PLD5: variants seen among roughly 807,000 people sequenced by gnomAD.
PLD5 encodes the protein phospholipase D family member 5, also known as inactive phospholipase D5.
A neutral mutation model predicts 61.1 loss-of-function variants in PLD5; 36 were observed. The observed-to-expected ratio is 0.59, with a 90% CI of 0.45 to 0.78. The LOEUF is 0.78. PLD5 is among the 30% of genes least tolerant of loss of function. PLD5 has a pLI of 0.00. For missense variants in PLD5, 515 were observed against 644.4 expected (o/e 0.80, Z 2.17); for synonymous variants, 243 against 242.8 (o/e 1.00, Z -0.01).
In PLD5 at chr1:242,228,814, T is replaced by C. The variant is rs1021857918; in HGVS notation, c.608-8699A>G. On this transcript the variant is annotated intron_variant, in intron 4 of 9. Coordinates refer to ENST00000536534, the MANE Select transcript of PLD5 (RefSeq NM_001372062.1). ...CCTCGCAACAGAGAGAAATGATGAATGAGAAAATGGCGGGGGAGTCCACCA... is the reference window on the plus strand; with the variant it reads ...CCTCGCAACAGAGAGAAATGATGAACGAGAAAATGGCGGGGGAGTCCACCA... 1.1e-4 allele frequency among the ~76,000 whole-genome samples: 17 copies of C among 152,058 alleles called. No homozygotes were observed. In the East Asian group the frequency reaches 1.9e-3, roughly 17 times the overall value.
intron 1 of PLD5, among the ~76,000 whole-genome samples, chr1:242,362,421 AGTTATT>A (rs1661119797): frequency 6.6e-6 from 1 of 152,014 alleles, no homozygotes; most frequent in Non-Finnish European, 1.5e-5. Flanking sequence ...TTTTCACTAT[AGTTATT>A]GTTATTATTA....
chr1:242,268,534 C>T (rs780984221), intron 3 of PLD5, among the ~76,000 whole-genome samples: 40 of 152,152 alleles, frequency 2.6e-4, no homozygotes, highest in Admixed American at 1.4e-3. Context: ...CCAAAATCTA[C>T]AGATACTGGC....
intron 1 of PLD5, among the ~76,000 whole-genome samples, chr1:242,374,268 C>G (rs1230804730): frequency 6.6e-6 from 1 of 152,152 alleles, no homozygotes; most frequent in African/African-American, 2.4e-5. Context: ...ATTAGAAGAT[C>G]ACAGAACCAG....
At chr1:242,218,278 T>A (rs1034886035) in intron 5 of PLD5, among the ~76,000 whole-genome samples, 1 of 152,218 alleles carries the variant, frequency 6.6e-6, no homozygotes, top group African/African-American at 2.4e-5. Flanking sequence ...TATTCTTAAA[T>A]TAAGGTATGC....
intron 1 of PLD5, among the ~76,000 whole-genome samples, chr1:242,427,563 A>G (rs1665501000): frequency 6.6e-6 from 1 of 152,222 alleles, no homozygotes. Context: ...TCATCTTAAT[A>G]CTTTTGAATC....
chr1:242,094,242 G>T (rs530657783), intron 9 of PLD5, among the ~76,000 whole-genome samples: 33 of 152,156 alleles, frequency 2.2e-4, no homozygotes, highest in Admixed American at 1.9e-3. Flanking sequence ...AGAGCTCGCT[G>T]GGAAGGTGCA....
intron 2 of PLD5, among the ~76,000 whole-genome samples, chr1:242,335,459 G>T (rs1659448534): frequency 6.6e-6 from 1 of 152,150 alleles, no homozygotes; most frequent in African/African-American, 2.4e-5. Flanking sequence ...AGTAAGAACG[G>T]ACTACCAAGA....
At chr1:242,248,768 T>G (rs1235278363) in intron 4 of PLD5, among the ~76,000 whole-genome samples, 2 of 152,150 alleles carry the variant, frequency 1.3e-5, no homozygotes, top group African/African-American at 2.4e-5. Context: ...AATTTATCAG[T>G]TTCCTTAATA....
chr1:242,332,927 G>T (rs1327845228), intron 2 of PLD5, among the ~76,000 whole-genome samples: 1 of 152,186 alleles, frequency 6.6e-6, no homozygotes, highest in Non-Finnish European at 1.5e-5. Context: ...CCCAGGACAG[G>T]TACCTCACAG....
At chr1:242,298,707 G>A (rs544986176) in intron 2 of PLD5, among the ~76,000 whole-genome samples, 6 of 152,162 alleles carry the variant, frequency 3.9e-5, no homozygotes, top group South Asian at 2.1e-4. Flanking sequence ...GCAAGTGGCA[G>A]CTCTCTTACC....
intron 4 of PLD5, among the ~76,000 whole-genome samples, chr1:242,240,210 G>A (rs1430925643): frequency 6.6e-6 from 1 of 152,144 alleles, no homozygotes; most frequent in South Asian, 2.1e-4. Context: ...TGGCTTGGCA[G>A]CTCCATTTAC....
chr1:242,229,343 A>AT (rs1257860139), intron 4 of PLD5, among the ~76,000 whole-genome samples: 1 of 152,238 alleles, frequency 6.6e-6, no homozygotes, highest in Non-Finnish European at 1.5e-5. Flanking sequence ...AATATGTTTG[A>AT]TGATAAAACA....
intron 1 of PLD5, among the ~76,000 whole-genome samples, chr1:242,491,405 A>G (rs752423439): frequency 6.6e-6 from 1 of 152,250 alleles, no homozygotes; most frequent in Non-Finnish European, 1.5e-5. Context: ...ACACACACAC[A>G]TAAACACACA....
chr1:242,352,189 C>G lies in PLD5; in HGVS notation c.190-3947G>C, dbSNP rs545574908. Among the ~76,000 whole-genome samples, 27 of 152,292 alleles carry G rather than the reference C, an allele frequency of 1.8e-4. 1 individual carries two copies. In the South Asian group the frequency reaches 5.6e-3, roughly 32 times the overall value. ...TTCCTCCAATCTTAGGCTTTGTACC[C>G]TTTGATTATCATCTCCTCATCCCCT... is the stretch of plus-strand genomic sequence containing the variant. On this transcript the variant is annotated intron_variant, in intron 1 of 9. Coordinates refer to ENST00000536534, the MANE Select transcript of PLD5 (RefSeq NM_001372062.1).
chr1:242,384,997 T>C lies in PLD5; in HGVS notation c.190-36755A>G, dbSNP rs114106052. Among the ~76,000 whole-genome samples the C allele has an allele frequency of 7.2e-3, 1,099 of 152,326 alleles. 12 individuals are homozygous for C. Among genetic ancestry groups the C allele is most frequent in the African/African-American group, 0.025 (1,056 of 41,566 alleles). ...AAAAGTACCAGGTGAGCCTGAGATA[T>C]TCTTTTGTGCCAAAAAGCAAGGAAG... On this transcript the variant is annotated intron_variant, in intron 1 of 9. Transcript: ENST00000536534.
Position 242,472,789 on chromosome 1 carries a change from A to G in PLD5, c.189+51299T>C, listed in dbSNP as rs550279367. ...TTCTTTTTCTTGGTTAACAGTCTCT[A>G]CTTTATCAAATCCGTGTGTTCCATC... On this transcript the variant is annotated intron_variant, in intron 1 of 9. Transcript: ENST00000536534. 3.3e-5 allele frequency among the ~76,000 whole-genome samples: 5 copies of G among 152,272 alleles called. No individual in the cohort carries two copies. The South Asian group carries it at 8.3e-4, about 25-fold the overall frequency.
intron 1 of PLD5, among the ~76,000 whole-genome samples, chr1:242,349,373 T>C (rs1406744895): frequency 2.0e-5 from 3 of 152,158 alleles, no homozygotes; most frequent in Non-Finnish European, 4.4e-5. Context: ...GGGCACAAAT[T>C]AGGCAAGTCC....
intron 1 of PLD5, 26 bp downstream of exon 1, chr1:242,524,062 G>C (rs1452841464): frequency 2.0e-6 from 3 of 1,525,940 alleles, no homozygotes; most frequent in South Asian, 2.4e-5. Context: ...GCCTGGCCGA[G>C]GCCCCCGGGA....
At chr1:242,340,650 C>G (rs1414606323) in intron 2 of PLD5, among the ~76,000 whole-genome samples, 1 of 152,126 alleles carries the variant, frequency 6.6e-6, no homozygotes, top group Non-Finnish European at 1.5e-5. Flanking sequence ...TTTACAGAAG[C>G]CTTTCACACA....
Sources: gnomAD v4.1 joint callset for allele counts (sites outside exome capture counted in the v4.1 genomes callset) on GRCh38, gnomAD v4.1.1 for gene constraint, MANE v1.5 for transcripts, NCBI Gene and HGNC (gene_info 2026-07-23, HGNC 2026-07-21) for gene names.